Variants in PTPRK observed in about 807,000 individuals in gnomAD.
PTPRK encodes the protein receptor-type tyrosine-protein phosphatase kappa.
A neutral mutation model predicts 178.0 loss-of-function variants in PTPRK; 75 were observed. That is an observed-to-expected ratio of 0.42 (90% CI 0.35 to 0.51). PTPRK has a LOEUF of 0.51. Ranked by LOEUF, PTPRK falls within the 20% of genes least tolerant of loss-of-function variation. The probability of loss-of-function intolerance (pLI) is 0.02; values close to 1 mark genes in which losing one functional copy is unlikely to be tolerated. For missense variants in PTPRK, 1,441 were observed against 1,797.8 expected, an observed-to-expected ratio of 0.80 and a Z score of 3.59; for synonymous variants, 637 against 620.6, an observed-to-expected ratio of 1.03 and a Z score of -0.39.
In PTPRK at chr6:128,184,621, G is replaced by C; in HGVS notation, c.973C>G (p.Leu325Val). The change falls in exon 7 of 30, where the codon CTG becomes GTG. Residue 325 changes from leucine to valine, a missense_variant. Transcript: ENST00000368226. Reference sequence around the variant, plus strand: ...GTCATTCGGTACTCTACTTCTTTCAGGATGATAGGACCATCGCCAATGATC... The same window carrying C: ...GTCATTCGGTACTCTACTTCTTTCACGATGATAGGACCATCGCCAATGATC... ...NSIIGDGPII[L>V]KEVEYRMTSG... 10 of 1,614,024 alleles carry C rather than the reference G, an allele frequency of 6.2e-6. No homozygotes were observed. Among genetic ancestry groups the C allele is most frequent in the Non-Finnish European group, 8.5e-6 (10 of 1,179,954 alleles).
intron 7 of PTPRK, among the ~76,000 whole-genome samples, chr6:128,178,433 T>C (rs1157330868): frequency 6.6e-6 from 1 of 151,710 alleles, no homozygotes; most frequent in African/African-American, 2.4e-5. Flanking sequence ...TTTTCCCCTC[T>C]AATATAATGT....
chr6:128,184,615 C>G lies in PTPRK; in HGVS notation c.979G>C (p.Glu327Gln). 3 of 1,614,032 alleles carry G rather than the reference C, an allele frequency of 1.9e-6. No homozygotes were observed. The highest frequency in any genetic ancestry group is 1.7e-6 in the Non-Finnish European group (2 of 1,179,964). Reference sequence around the variant, plus strand: ...CCTGATGTCATTCGGTACTCTACTTCTTTCAGGATGATAGGACCATCGCCA... The same window carrying G: ...CCTGATGTCATTCGGTACTCTACTTGTTTCAGGATGATAGGACCATCGCCA... The part of the protein sequence containing the change: ...IIGDGPIILK[E>Q]VEYRMTSGSW... Residue 327 changes from glutamate (E) to glutamine (Q), a missense_variant, in exon 7 of 30, where the codon GAA (glutamate) becomes CAA (glutamine). Coordinates refer to ENST00000368226, the MANE Select transcript of PTPRK (RefSeq NM_002844.4).
intron 2 of PTPRK, among the ~76,000 whole-genome samples, chr6:128,359,837 A>C (rs1042401653): frequency 6.6e-6 from 1 of 152,170 alleles, no homozygotes; most frequent in African/African-American, 2.4e-5. Flanking sequence ...CTACTATCTC[A>C]ATTAATAAGT....
rs145823237 is a variant in PTPRK at position 128,456,451 on chromosome 6, G to A, written c.101-58763C>T. On this transcript the variant is annotated intron_variant, in intron 1 of 29. Transcript: ENST00000368226. ...ATTGTTTACCCTGAGTAAAAAAAAT[G>A]AGTAAAACCATATCAGGAGTATCTA... is the stretch of plus-strand genomic sequence containing the variant. Among the ~76,000 whole-genome samples the A allele has an allele frequency of 1.1e-3, 172 of 151,894 alleles. 4 individuals carry two copies. Among genetic ancestry groups the A allele is most frequent in the Non-Finnish European group, 1.3e-3 (90 of 67,888 alleles).
At chr6:128,326,870 T>C (rs1829653210) in intron 2 of PTPRK, among the ~76,000 whole-genome samples, 1 of 152,100 alleles carries the variant, frequency 6.6e-6, no homozygotes, top group Non-Finnish European at 1.5e-5. Context: ...AATACTATCT[T>C]ACAAGAGGAA....
intron 13 of PTPRK, among the ~76,000 whole-genome samples, chr6:128,019,186 G>A (rs1033540445): frequency 3.9e-5 from 6 of 152,170 alleles, no homozygotes; most frequent in African/African-American, 1.4e-4. Flanking sequence ...CTCAGGAGAG[G>A]AAAGTGGCTT....
intron 1 of PTPRK, chr6:128,472,585 T>A (rs1850844709): frequency 5.5e-6 from 1 of 182,178 alleles, no homozygotes; most frequent in Admixed American, 6.2e-5. Flanking sequence ...GTATTTCCCA[T>A]CTTTACATCT....
At chr6:128,445,921 A>G (rs986718458) in intron 1 of PTPRK, among the ~76,000 whole-genome samples, 4 of 152,168 alleles carry the variant, frequency 2.6e-5, no homozygotes, top group Admixed American at 6.6e-5. Flanking sequence ...GAAAATTCCA[A>G]GTATATAGAC....
At chr6:128,035,530 G>GT in intron 13 of PTPRK, among the ~76,000 whole-genome samples, 1 of 152,168 alleles carries the variant, frequency 6.6e-6, no homozygotes, top group East Asian at 1.9e-4. Flanking sequence ...GCCACTTGAA[G>GT]ATATACTCAT....
chr6:128,145,785 C>T (rs188937589), intron 7 of PTPRK, among the ~76,000 whole-genome samples: 11 of 152,190 alleles, frequency 7.2e-5, no homozygotes, highest in Admixed American at 2.6e-4. Context: ...TTACAACATA[C>T]GTATCTTACA....
rs1781465529 is a variant in PTPRK, at chr6:128,064,762, T to C, written c.2190A>G (p.Thr730=). Residue 730 remains threonine, a synonymous_variant, in exon 13 of 30, where the codon ACA becomes ACG. Coordinates refer to ENST00000368226, the MANE Select transcript of PTPRK (RefSeq NM_002844.4). ...ETKTQCVRIA[T]KAAATEEPEV... is the part of the protein sequence containing the mutation. ...CAAAAAAAGCAAACCTCTTACCTTTTGTAGCAATGCGTACGCACTGGGTTT... is the reference window on the plus strand; with the variant it reads ...CAAAAAAAGCAAACCTCTTACCTTTCGTAGCAATGCGTACGCACTGGGTTT... 2 of 1,589,434 alleles carry C rather than the reference T, an allele frequency of 1.3e-6. No homozygotes were observed. Among genetic ancestry groups the C allele is most frequent in the Non-Finnish European group, 8.5e-7 (1 of 1,173,388 alleles).
At chr6:128,293,941 G>A (rs1230564819) in intron 3 of PTPRK, among the ~76,000 whole-genome samples, 1 of 152,018 alleles carries the variant, frequency 6.6e-6, no homozygotes, top group East Asian at 1.9e-4. Context: ...AGACAGTAAC[G>A]CATATGACAG....
At chr6:128,345,978 G>A (rs1832379338) in intron 2 of PTPRK, among the ~76,000 whole-genome samples, 1 of 152,074 alleles carries the variant, frequency 6.6e-6, no homozygotes, top group South Asian at 2.1e-4. Flanking sequence ...CATTTTTTAA[G>A]TTATATTGTA....
At chr6:128,329,369 G>A (rs2128324716) in intron 2 of PTPRK, among the ~76,000 whole-genome samples, 3 of 119,378 alleles carry the variant, frequency 2.5e-5, no homozygotes, top group East Asian at 4.9e-4. Flanking sequence ...CAGAGAAAAG[G>A]AATATATAGA....
intron 1 of PTPRK, among the ~76,000 whole-genome samples, chr6:128,464,823 A>G (rs1336485362): frequency 4.8e-5 from 7 of 146,476 alleles, no homozygotes; most frequent in Non-Finnish European, 9.3e-5. Flanking sequence ...AAAATAAAAT[A>G]AGATCACTGA....
At chr6:128,238,165 C>G (rs757299835) in intron 5 of PTPRK, 24 of 362,192 alleles carry the variant, frequency 6.6e-5, no homozygotes, top group South Asian at 4.4e-4. Context: ...TACATAAATT[C>G]ACCATTCTGT....
At chr6:128,032,486 A>G (rs1291786380) in intron 13 of PTPRK, among the ~76,000 whole-genome samples, 5 of 152,198 alleles carry the variant, frequency 3.3e-5, no homozygotes, top group Admixed American at 3.3e-4. Context: ...GAAATTCTAA[A>G]TTCTGATTAT....
rs182735137 is a variant in PTPRK, at chr6:128,427,343, G to C, written c.101-29655C>G. Among the ~76,000 whole-genome samples the C allele has an allele frequency of 4.3e-3, 648 of 152,238 alleles. 2 individuals carry two copies. Among genetic ancestry groups the C allele is most frequent in the African/African-American group, 0.015 (608 of 41,526 alleles). On this transcript the variant is annotated intron_variant, in intron 1 of 29. Coordinates refer to ENST00000368226, the MANE Select transcript of PTPRK (RefSeq NM_002844.4). ...TCAATCCAGGCAGTCTGACTCCAGA[G>C]CCCAAACTCTAAGCCACACCACTCC...
intron 12 of PTPRK, among the ~76,000 whole-genome samples, chr6:128,065,039 A>G (rs542681320): frequency 6.6e-6 from 1 of 152,214 alleles, no homozygotes; most frequent in South Asian, 2.1e-4. Context: ...CCTTGCAATG[A>G]AACAGGTTAG....
Sources: gnomAD v4.1 joint callset for allele counts (sites outside exome capture counted in the v4.1 genomes callset) on GRCh38, gnomAD v4.1.1 for gene constraint, MANE v1.5 for transcripts, NCBI Gene and HGNC (gene_info 2026-07-23, HGNC 2026-07-21) for gene names.